Variants in RAB3C observed in about 807,000 individuals in gnomAD.
The protein encoded by RAB3C is ras-related protein Rab-3C.
A neutral mutation model predicts 26.4 loss-of-function variants in RAB3C; 17 were observed. That is an observed-to-expected ratio of 0.64 (90% confidence interval 0.44 to 0.97). RAB3C has a LOEUF of 0.97. Ranked by LOEUF, RAB3C falls within the 50% of genes least tolerant of loss-of-function variation. The pLI, the probability that RAB3C is intolerant of heterozygous loss-of-function variation, is 0.00. For synonymous variants in RAB3C, 91 were observed against 95.9 expected (o/e 0.95, Z 0.30); for missense variants, 242 against 281.9 (o/e 0.86, Z 1.01).
At chr5:58,668,313 G>T (rs1025725753) in intron 2 of RAB3C, among the ~76,000 whole-genome samples, 1 of 152,138 alleles carries the variant, frequency 6.6e-6, no homozygotes, top group Admixed American at 6.6e-5. Flanking sequence ...CAAAGAAATG[G>T]TTCACACTAT....
At chr5:58,730,815 T>C (rs1184628876) in intron 3 of RAB3C, among the ~76,000 whole-genome samples, 1 of 152,108 alleles carries the variant, frequency 6.6e-6, no homozygotes, top group African/African-American at 2.4e-5. Context: ...GTTCTCAAAC[T>C]GATAATAAAG....
At chr5:58,751,794 G>C (rs938292566) in intron 3 of RAB3C, among the ~76,000 whole-genome samples, 15 of 152,144 alleles carry the variant, frequency 9.9e-5, no homozygotes, top group Non-Finnish European at 2.1e-4. Context: ...AATTAAATCT[G>C]CTGTTTCAGT....
At chr5:58,726,423 T>C (rs1225664098) in intron 3 of RAB3C, among the ~76,000 whole-genome samples, 1 of 151,954 alleles carries the variant, frequency 6.6e-6, no homozygotes, top group East Asian at 1.9e-4. Context: ...AAATAACGAA[T>C]GGTTTGGAAG....
intron 4 of RAB3C, among the ~76,000 whole-genome samples, chr5:58,834,281 C>T (rs755716406): frequency 5.9e-5 from 9 of 152,226 alleles, no homozygotes; most frequent in Non-Finnish European, 1.2e-4. Flanking sequence ...ATGCACCCAC[C>T]TTGGCTATCT....
chr5:58,610,463 T>A lies in RAB3C; in HGVS notation c.25-7180T>A, dbSNP rs560519694. On this transcript the variant is annotated intron_variant, in intron 1 of 4. Transcript: ENST00000282878. ...CTGTTATAATAGGTATACAGTGGTA[T>A]CTCACTGGGGTCTTAATTTACATTT... Among the ~76,000 whole-genome samples the A allele has an allele frequency of 3.9e-5, 6 of 152,224 alleles. No individual in the cohort carries two copies. The East Asian group carries it at 1.2e-3, about 29-fold the overall frequency.
intron 3 of RAB3C, among the ~76,000 whole-genome samples, chr5:58,783,523 G>C (rs1305479854): frequency 1.3e-5 from 2 of 152,162 alleles, no homozygotes; most frequent in Non-Finnish European, 2.9e-5. Flanking sequence ...TTGTGTTTCT[G>C]CTGAAGGGGA....
chr5:58,665,972 A>G (rs760258932), intron 2 of RAB3C, among the ~76,000 whole-genome samples: 3 of 152,174 alleles, frequency 2.0e-5, no homozygotes, highest in Non-Finnish European at 4.4e-5. Flanking sequence ...GAGGATCATG[A>G]AGGCCAATAC....
At chr5:58,715,250 A>T (rs1749146905) in intron 2 of RAB3C, among the ~76,000 whole-genome samples, 1 of 151,686 alleles carries the variant, frequency 6.6e-6, no homozygotes, top group African/African-American at 2.4e-5. Context: ...CTTCTTGAAG[A>T]TACTACTAGC....
intron 3 of RAB3C, among the ~76,000 whole-genome samples, chr5:58,760,366 C>T (rs1299140258): frequency 1.3e-5 from 2 of 152,164 alleles, no homozygotes; most frequent in African/African-American, 4.8e-5. Flanking sequence ...CCCAACACCA[C>T]TACTTAATGA....
intron 2 of RAB3C, among the ~76,000 whole-genome samples, chr5:58,680,126 CAAAG>C (rs1561287279): frequency 6.6e-6 from 1 of 151,936 alleles, no homozygotes; most frequent in African/African-American, 2.4e-5. Flanking sequence ...ATAAAAGAAT[CAAAG>C]AAAGGGAAGG....
intron 2 of RAB3C, among the ~76,000 whole-genome samples, chr5:58,624,092 T>C (rs1651540500): frequency 6.6e-6 from 1 of 152,206 alleles, no homozygotes; most frequent in Non-Finnish European, 1.5e-5. Context: ...TTGTATTCAA[T>C]TAAGTAATTT....
chr5:58,788,596 A>C (rs1742445615), intron 3 of RAB3C, among the ~76,000 whole-genome samples: 1 of 152,200 alleles, frequency 6.6e-6, no homozygotes, highest in Non-Finnish European at 1.5e-5. Flanking sequence ...GATTTGGTGA[A>C]AGCTTTAGGC....
chr5:58,826,518 G>A (rs908037559), intron 4 of RAB3C, among the ~76,000 whole-genome samples: 1 of 151,924 alleles, frequency 6.6e-6, no homozygotes, highest in African/African-American at 2.4e-5. Flanking sequence ...TGAGAATATT[G>A]AGGCATTCTT....
intron 2 of RAB3C, among the ~76,000 whole-genome samples, chr5:58,642,624 G>A (rs1747432939): frequency 6.6e-6 from 1 of 152,204 alleles, no homozygotes; most frequent in Admixed American, 6.5e-5. Context: ...AAGTAATCAT[G>A]TAAGAAAAGC....
intron 2 of RAB3C, among the ~76,000 whole-genome samples, chr5:58,693,392 G>C (rs1270448734): frequency 7.3e-6 from 1 of 137,180 alleles, no homozygotes; most frequent in Non-Finnish European, 1.5e-5. Context: ...AATTCACCTG[G>C]ACTGGGAATT....
intron 1 of RAB3C, among the ~76,000 whole-genome samples, chr5:58,615,694 C>A (rs142608934): frequency 6.6e-6 from 1 of 152,020 alleles, no homozygotes; most frequent in African/African-American, 2.4e-5. Context: ...CACTGGGAAG[C>A]GTTTGTTATA....
At chr5:58,734,158 A>G (rs1361736848) in intron 3 of RAB3C, among the ~76,000 whole-genome samples, 1 of 152,140 alleles carries the variant, frequency 6.6e-6, no homozygotes, top group Non-Finnish European at 1.5e-5. Flanking sequence ...ACCACTGCAG[A>G]TATGCTGAAA....
chr5:58,690,972 T>C (rs764192457), intron 2 of RAB3C, among the ~76,000 whole-genome samples: 1 of 152,196 alleles, frequency 6.6e-6, no homozygotes, highest in Non-Finnish European at 1.5e-5. Flanking sequence ...GATGATAGCT[T>C]ACAGAAGATT....
In RAB3C at chr5:58,851,506, C is replaced by A. The variant is rs1744115219; in HGVS notation, c.*155C>A. 1.9e-6 allele frequency: 1 copy of A among 529,234 alleles called. No individual in the cohort carries two copies. The highest frequency in any genetic ancestry group is 3.1e-6 in the Non-Finnish European group (1 of 321,792). 32.8% of individuals were successfully genotyped at this position (529,234 alleles called of 1,614,324 possible). ...TACGCATTCAATTCTTGGGAGCTTT[C>A]CTGTTTAATATGTGGCAAATATGTG... On this transcript the variant is annotated 3_prime_UTR_variant, in exon 5 of 5. Coordinates refer to ENST00000282878, the MANE Select transcript of RAB3C (RefSeq NM_138453.4).
Sources: allele counts gnomAD v4.1 joint callset (sites outside exome capture counted in the v4.1 genomes callset), GRCh38; gene constraint gnomAD v4.1.1; transcripts MANE v1.5; gene names NCBI Gene and HGNC (gene_info 2026-07-23, HGNC 2026-07-21).